SMYD3: variants seen among roughly 807,000 people sequenced by gnomAD.
SMYD3 encodes histone-lysine N-methyltransferase SMYD3.
A neutral mutation model predicts 57.7 loss-of-function variants in SMYD3; 36 were observed. The observed-to-expected ratio is 0.62, with a 90% confidence interval of 0.48 to 0.82. SMYD3 has a LOEUF of 0.82. Among genes scored for constraint, SMYD3 ranks in the 40% least tolerant of loss-of-function variants. The pLI is 0.00. For synonymous variants in SMYD3, 211 were observed against 195.0 expected (o/e 1.08, Z -0.68); for missense variants, 515 against 538.8 (o/e 0.96, Z 0.44).
intron 5 of SMYD3, among the ~76,000 whole-genome samples, chr1:246,041,965 A>G (rs1341705458): frequency 6.6e-6 from 1 of 152,182 alleles, no homozygotes; most frequent in African/African-American, 2.4e-5. Flanking sequence ...CTCCACCACA[A>G]AATTGGTTTT....
intron 9 of SMYD3, among the ~76,000 whole-genome samples, chr1:245,862,332 G>A (rs2051594844): frequency 6.6e-6 from 1 of 151,938 alleles, no homozygotes. Context: ...ACTCTTAAAT[G>A]TTGTTAAATT....
At chr1:245,792,112 C>CTCAT (rs768674707) in intron 10 of SMYD3, among the ~76,000 whole-genome samples, 63 of 152,046 alleles carry the variant, frequency 4.1e-4, no homozygotes, top group Non-Finnish European at 7.9e-4. Flanking sequence ...ACTGAGCCAA[C>CTCAT]TCATTCATTC....
intron 1 of SMYD3, among the ~76,000 whole-genome samples, chr1:246,454,272 C>G (rs1209803394): frequency 6.6e-6 from 1 of 152,112 alleles, no homozygotes; most frequent in South Asian, 2.1e-4. Flanking sequence ...GTCAAGCAAC[C>G]AGGCAACCAT....
Position 245,766,421 on chromosome 1 carries a change from AAAG to A in SMYD3, c.1077-2275_1077-2273del, listed in dbSNP as rs1269441846. Among the ~76,000 whole-genome samples, 9 of 142,826 alleles carry A rather than the reference AAAG, an allele frequency of 6.3e-5. No homozygotes were observed. The East Asian group carries it at 1.7e-3, about 27-fold the overall frequency. The allele number at this position is 142,826 out of a possible 152,430, so 93.7% of individuals were successfully genotyped here. A position where few individuals can be genotyped will look rare whatever the true frequency, so the allele number is the denominator to read the frequency against. On this transcript the variant is annotated intron_variant, in intron 10 of 11. Coordinates refer to ENST00000490107, the MANE Select transcript of SMYD3 (RefSeq NM_001167740.2). ...GTCTTAAAAAAAAAAAAAAAAAAAA[AAAG>A]GCTGAAAAGGGAGCGGAAGGGGGAA... is the stretch of plus-strand genomic sequence containing the variant.
In SMYD3 at chr1:246,067,606, C is replaced by A. The variant is rs1209759099; in HGVS notation, c.532-137669G>T. ...TAGCTGCGCCCACACACACTAATGC[C>A]CCCCCACAGCCCACAGCCTTGGGGC... is the stretch of plus-strand genomic sequence containing the variant. On this transcript the variant is annotated intron_variant, in intron 5 of 11. Transcript: ENST00000490107. Among the ~76,000 whole-genome samples the A allele has an allele frequency of 2.6e-5, 4 of 152,068 alleles. No homozygotes were observed. The East Asian group carries it at 7.7e-4, about 29-fold the overall frequency.
intron 10 of SMYD3, among the ~76,000 whole-genome samples, chr1:245,822,751 T>C (rs1459712165): frequency 2.0e-5 from 3 of 152,144 alleles, no homozygotes; most frequent in South Asian, 2.1e-4. Context: ...TGGGGCCCTT[T>C]CACTGGGCCC....
intron 5 of SMYD3, among the ~76,000 whole-genome samples, chr1:245,931,616 T>C (rs1353818356): frequency 6.6e-6 from 1 of 152,010 alleles, no homozygotes; most frequent in Non-Finnish European, 1.5e-5. Flanking sequence ...GGATGAAACA[T>C]GACAAAGGCC....
At chr1:245,828,764 T>C (rs961941457) in intron 10 of SMYD3, among the ~76,000 whole-genome samples, 1 of 151,668 alleles carries the variant, frequency 6.6e-6, no homozygotes, top group Non-Finnish European at 1.5e-5. Context: ...TGCAGTGGCA[T>C]GATCTCGGGC....
intron 1 of SMYD3, among the ~76,000 whole-genome samples, chr1:246,476,372 C>T (rs1183806060): frequency 1.3e-5 from 2 of 152,162 alleles, no homozygotes; most frequent in African/African-American, 2.4e-5. Context: ...GCCTCTCGGG[C>T]TTTAATAGGC....
intron 1 of SMYD3, among the ~76,000 whole-genome samples, chr1:246,428,251 A>G (rs966428250): frequency 6.6e-6 from 1 of 152,216 alleles, no homozygotes; most frequent in Non-Finnish European, 1.5e-5. Context: ...TAAAGTATGC[A>G]GTGGGAAGGA....
At chr1:246,286,291 G>T (rs1202507049) in intron 5 of SMYD3, among the ~76,000 whole-genome samples, 2 of 152,092 alleles carry the variant, frequency 1.3e-5, no homozygotes, top group African/African-American at 2.4e-5. Flanking sequence ...TAAGTTCCAG[G>T]ATACATGCGC....
intron 7 of SMYD3, among the ~76,000 whole-genome samples, chr1:245,919,662 G>T (rs2055719146): frequency 6.6e-6 from 1 of 152,164 alleles, no homozygotes; most frequent in South Asian, 2.1e-4. Context: ...CATGTTATTA[G>T]CCAAAGATAA....
intron 5 of SMYD3, among the ~76,000 whole-genome samples, chr1:246,261,361 T>G (rs886723609): frequency 8.3e-5 from 12 of 143,784 alleles, no homozygotes; most frequent in Admixed American, 1.5e-4. Flanking sequence ...CCAGCTCTCT[T>G]TGTTTTTTTT....
rs566247023 is a variant in SMYD3, at chr1:246,227,270, G to A, written c.531+99931C>T. The stretch of plus-strand genomic sequence containing the variant: ...GAAGTGCTGGCTTTGTGTTCTGCCC[G>A]TTTATGCTTTAATTTCAGCTCATGC... On this transcript the variant is annotated intron_variant, in intron 5 of 11. Transcript: ENST00000490107. Among the ~76,000 whole-genome samples, 11 of 152,118 alleles carry A rather than the reference G, an allele frequency of 7.2e-5. No homozygotes were observed. The East Asian group carries it at 1.5e-3, about 21-fold the overall frequency.
chr1:246,232,099 C>T (rs978477155), intron 5 of SMYD3, among the ~76,000 whole-genome samples: 8 of 152,082 alleles, frequency 5.3e-5, no homozygotes, highest in Non-Finnish European at 7.4e-5. Context: ...AGAATACATA[C>T]ATTGAGATTC....
chr1:246,417,482 T>C (rs1004381713), intron 1 of SMYD3: 1 of 152,208 alleles, frequency 6.6e-6, no homozygotes, highest in African/African-American at 2.4e-5. Context: ...TGTATGCTAC[T>C]GATTGGTTGG....
rs540821155 is a variant in SMYD3, at chr1:245,938,506, C to T, written c.532-8569G>A. 2.0e-5 allele frequency among the ~76,000 whole-genome samples: 3 copies of T among 152,290 alleles called. No homozygotes were observed. In the South Asian group the frequency reaches 6.2e-4, roughly 32 times the overall value. ...AAATGAGTCTCTGAGGTCAGACAGC[C>T]CCTCTTTTGATCTCTCCAGGTATGC... On this transcript the variant is annotated intron_variant, in intron 5 of 11. Transcript: ENST00000490107.
chr1:246,005,023 T>G (rs2059144879), intron 5 of SMYD3, among the ~76,000 whole-genome samples: 1 of 152,032 alleles, frequency 6.6e-6, no homozygotes, highest in African/African-American at 2.4e-5. Context: ...TTTTTTTGTA[T>G]TTTTTTCTAG....
chr1:246,029,760 C>T (rs940171370), intron 5 of SMYD3, among the ~76,000 whole-genome samples: 1 of 151,074 alleles, frequency 6.6e-6, no homozygotes, highest in African/African-American at 2.4e-5. Context: ...CATCACTAAT[C>T]ACCAGGGAAA....
Sources: gnomAD v4.1 joint callset for allele counts (sites outside exome capture counted in the v4.1 genomes callset) on GRCh38, gnomAD v4.1.1 for gene constraint, MANE v1.5 for transcripts, NCBI Gene and HGNC (gene_info 2026-07-23, HGNC 2026-07-21) for gene names.